F13A1: variants seen among roughly 807,000 people sequenced by gnomAD.
F13A1 encodes the protein FSF, A subunit.
A neutral mutation model predicts 80.1 loss-of-function variants in F13A1; 47 were observed. That is an observed-to-expected ratio of 0.59 (90% CI 0.46 to 0.75). The LOEUF is 0.75. Among genes scored for constraint, F13A1 ranks in the 30% least tolerant of loss-of-function variants. F13A1 has a pLI of 0.00. For synonymous variants in F13A1, 349 were observed against 344.9 expected (o/e 1.01, Z -0.13); for missense variants, 817 against 930.4 (o/e 0.88, Z 1.59).
chr6:6,171,260 T>A (rs1760767679), intron 12 of F13A1, among the ~76,000 whole-genome samples: 1 of 152,208 alleles, frequency 6.6e-6, no homozygotes, highest in Admixed American at 6.5e-5. Context: ...TCACTGCTAT[T>A]ATCTGTCTAC....
chr6:6,281,285 C>T (rs1297646031), intron 3 of F13A1, among the ~76,000 whole-genome samples: 1 of 152,150 alleles, frequency 6.6e-6, no homozygotes, highest in African/African-American at 2.4e-5. Context: ...TGGGAGAGGG[C>T]ATGCTCTTTA....
At chr6:6,154,163 G>A (rs547643450) in intron 13 of F13A1, among the ~76,000 whole-genome samples, 6 of 144,744 alleles carry the variant, frequency 4.1e-5, no homozygotes, top group East Asian at 2.0e-4. Context: ...AAAAAAAAAC[G>A]GCAGTCAGAA....
chr6:6,252,281 A>G (rs968487098), intron 4 of F13A1, among the ~76,000 whole-genome samples: 9 of 143,332 alleles, frequency 6.3e-5, no homozygotes, highest in Non-Finnish European at 1.2e-4. Context: ...AACTAAAAAG[A>G]TAATTTTTAG....
intron 7 of F13A1, among the ~76,000 whole-genome samples, chr6:6,223,826 T>C (rs1757235029): frequency 6.6e-6 from 1 of 152,128 alleles, no homozygotes; most frequent in African/African-American, 2.4e-5. Context: ...AAATGTTAGC[T>C]AGGTAAAAAT....
chr6:6,233,460 CTT>C (rs2113077108), intron 6 of F13A1, among the ~76,000 whole-genome samples: 1 of 152,102 alleles, frequency 6.6e-6, no homozygotes, highest in Non-Finnish European at 1.5e-5. Context: ...TAATTAAAAA[CTT>C]ATCAACAAAA....
At chr6:6,218,860 C>T (rs1352872406) in intron 8 of F13A1, among the ~76,000 whole-genome samples, 1 of 152,152 alleles carries the variant, frequency 6.6e-6, no homozygotes, top group African/African-American at 2.4e-5. Context: ...GAGCAGAATA[C>T]ACCTCTCACA....
intron 3 of F13A1, among the ~76,000 whole-genome samples, chr6:6,269,859 G>A (rs764439461): frequency 1.1e-4 from 16 of 151,872 alleles, no homozygotes; most frequent in Admixed American, 2.0e-4. Flanking sequence ...GATTACAGGC[G>A]CCCACCATCA....
intron 8 of F13A1, among the ~76,000 whole-genome samples, chr6:6,220,649 C>T (rs1390723957): frequency 2.6e-5 from 4 of 152,006 alleles, no homozygotes; most frequent in African/African-American, 9.7e-5. Flanking sequence ...TCATTTTTAA[C>T]AATTGCAATG....
At chr6:6,221,231 A>G (rs914958621) in intron 8 of F13A1, among the ~76,000 whole-genome samples, 2 of 152,018 alleles carry the variant, frequency 1.3e-5, no homozygotes, top group African/African-American at 2.4e-5. Context: ...TAGTGTATTG[A>G]TTTGGACTTA....
At chr6:6,206,626 T>C (rs1294402377) in intron 8 of F13A1, 5 of 490,810 alleles carry the variant, frequency 1.0e-5, no homozygotes, top group Non-Finnish European at 4.2e-6. Flanking sequence ...GAGGAGAGTG[T>C]AGGGCAGTGA....
intron 4 of F13A1, among the ~76,000 whole-genome samples, chr6:6,265,092 C>T (rs2113121828): frequency 6.6e-6 from 1 of 152,276 alleles, no homozygotes; most frequent in African/African-American, 2.4e-5. Flanking sequence ...GACACCACGT[C>T]TCTACAAAAA....
At position 6,318,688 on chromosome 6, in the gene F13A1, G is replaced by GAAA. The variant is rs398000295; in HGVS notation, c.-18-9_-18-7dup. The GAAA allele has an allele frequency of 7.4e-3, 10,823 of 1,467,686 alleles. 46 individuals carry two copies. The highest frequency in any genetic ancestry group is 0.072 in the East Asian group (2,910 of 40,512). The allele number at this position is 1,467,686 out of a possible 1,614,324, so 90.9% of individuals were successfully genotyped here. ...ATTTTTGACTTTACAAGGTCCTTCA[G>GAAA]AAAAAAAAAAAAAAGAAGACAACAG... On this transcript the variant is annotated splice_region_variant and splice_polypyrimidine_tract_variant and intron_variant, in intron 1 of 14. Coordinates refer to ENST00000264870, the MANE Select transcript of F13A1 (RefSeq NM_000129.4).
intron 1 of F13A1, 29 bp from the exon 2 acceptor site, chr6:6,318,711 C>T (rs764834977): frequency 1.3e-6 from 2 of 1,572,504 alleles, no homozygotes; most frequent in Admixed American, 3.5e-5. Context: ...AAGAAGACAA[C>T]AGAAAAGGCA....
intron 13 of F13A1, among the ~76,000 whole-genome samples, chr6:6,161,539 T>TGTGTGC (rs1760573168): frequency 1.3e-5 from 2 of 151,130 alleles, no homozygotes; most frequent in African/African-American, 4.9e-5. Flanking sequence ...TGTGTGTGTG[T>TGTGTGC]GTGTGTGTGT....
chr6:6,308,206 T>G (rs1383824223), intron 2 of F13A1, among the ~76,000 whole-genome samples: 1 of 152,142 alleles, frequency 6.6e-6, no homozygotes, highest in Non-Finnish European at 1.5e-5. Context: ...AAAAATTTAA[T>G]AGAGACGGGG....
intron 8 of F13A1, among the ~76,000 whole-genome samples, chr6:6,214,768 T>A (rs1412357144): frequency 1.1e-4 from 6 of 56,602 alleles, no homozygotes; most frequent in African/African-American, 1.9e-4. Context: ...ATCAACAAAA[T>A]TGATAGACCG....
intron 10 of F13A1, among the ~76,000 whole-genome samples, chr6:6,195,221 C>T (rs1761268231): frequency 6.6e-6 from 1 of 152,242 alleles, no homozygotes; most frequent in South Asian, 2.1e-4. Context: ...CCCAGGCATT[C>T]CCATCAACCC....
At chr6:6,211,222 A>G (rs1761602526) in intron 8 of F13A1, among the ~76,000 whole-genome samples, 1 of 152,270 alleles carries the variant, frequency 6.6e-6, no homozygotes, top group Non-Finnish European at 1.5e-5. Context: ...ATTGCAAAAA[A>G]AAGTATTTTT....
chr6:6,153,844 T>A (rs916747949), intron 13 of F13A1, among the ~76,000 whole-genome samples: 1 of 152,210 alleles, frequency 6.6e-6, no homozygotes, highest in African/African-American at 2.4e-5. Flanking sequence ...GGGCTATATT[T>A]GTATCAGCTC....
Sources: gnomAD v4.1 joint callset for allele counts (sites outside exome capture counted in the v4.1 genomes callset) on GRCh38, gnomAD v4.1.1 for gene constraint, MANE v1.5 for transcripts, NCBI Gene and HGNC (gene_info 2026-07-23, HGNC 2026-07-21) for gene names.